The following POU3F3 variants were observed in gnomAD, a reference collection of about 807,000 sequenced individuals.
POU3F3 encodes POU class 3 homeobox 3, also known as POU domain, class 3, transcription factor 3.
A neutral mutation model predicts 8.6 loss-of-function variants in POU3F3; 1 was observed. The ratio of observed to expected loss-of-function variants is 0.12; its 90% CI spans 0.04 to 0.55. The LOEUF is 0.55. POU3F3 is among the 20% of genes least tolerant of loss of function. The pLI is 0.91. For synonymous variants in POU3F3, 418 were observed against 327.4 expected (o/e 1.28, Z -2.99); for missense variants, 577 against 690.7 (o/e 0.84, Z 1.84).
At chr2:104,887,580 C>T in the POU3F3 span, among the ~76,000 whole-genome samples, 1 of 152,142 alleles carries the variant, frequency 6.6e-6, no homozygotes, top group Non-Finnish European at 1.5e-5. Flanking sequence ...CTGATTGTCC[C>T]CAGCCCAGAG....
At chr2:104,861,045 GTATT>G (rs1267007673), downstream of POU3F3, among the ~76,000 whole-genome samples, 23 of 151,914 alleles carry the variant, frequency 1.5e-4, no homozygotes, top group East Asian at 1.9e-4. Context: ...TATTTGTAAA[GTATT>G]TATCCTGTTG....
At chr2:104,874,325 A>T in the POU3F3 span, among the ~76,000 whole-genome samples, 2 of 152,224 alleles carry the variant, frequency 1.3e-5, no homozygotes, top group South Asian at 4.1e-4. Context: ...TCACCCATCC[A>T]GAGGGACTGG....
At chr2:104,914,830 G>A in the POU3F3 span, among the ~76,000 whole-genome samples, 7 of 152,322 alleles carry the variant, frequency 4.6e-5, no homozygotes, top group East Asian at 1.2e-3. Context: ...CAGTAGGTTT[G>A]CCATTAGCAC....
the POU3F3 span, among the ~76,000 whole-genome samples, chr2:104,905,163 C>G: frequency 6.6e-6 from 1 of 152,192 alleles, no homozygotes; most frequent in African/African-American, 2.4e-5. Context: ...CTCAATAACA[C>G]GACCTTTCAT....
chr2:104,899,236 G>C, the POU3F3 span, among the ~76,000 whole-genome samples: 1 of 152,222 alleles, frequency 6.6e-6, no homozygotes, highest in Non-Finnish European at 1.5e-5. Context: ...CTGTGCCTGG[G>C]TTGTGTGTTT....
At chr2:104,865,161 G>A in the POU3F3 span, among the ~76,000 whole-genome samples, 4 of 152,198 alleles carry the variant, frequency 2.6e-5, no homozygotes, top group African/African-American at 9.7e-5. Context: ...TTAGTTACCT[G>A]GCGAAACTGA....
At chr2:104,864,179 C>T in the POU3F3 span, among the ~76,000 whole-genome samples, 4 of 152,222 alleles carry the variant, frequency 2.6e-5, no homozygotes, top group African/African-American at 9.6e-5. Flanking sequence ...GTGCGGGCGC[C>T]GGCAGCAGGG....
chr2:104,892,049 C>A, the POU3F3 span, among the ~76,000 whole-genome samples: 8 of 152,196 alleles, frequency 5.3e-5, no homozygotes, highest in Non-Finnish European at 1.0e-4. Context: ...ACCTGGGCTC[C>A]GATCAAACCC....
downstream of POU3F3, among the ~76,000 whole-genome samples, chr2:104,860,680 T>TC (rs957073316): frequency 2.2e-4 from 34 of 151,802 alleles, no homozygotes; most frequent in African/African-American, 7.5e-4. Context: ...ACAACCATCT[T>TC]CCCCTGGCAA....
Position 104,855,537 on chromosome 2 carries a change from C to T in POU3F3, c.27C>T (p.Tyr9=), listed in dbSNP as rs1676536834. ...TGGCCACGGCGGCTTCTAACCCCTA[C>T]CTGCCGGGGAACAGCCTGCTCGCGG... MATAASNP[Y]LPGNSLLAAG... The change falls in exon 1 of 1, where the codon TAC becomes TAT. Residue 9 remains tyrosine (Y), a synonymous_variant. Coordinates refer to ENST00000361360, the MANE Select transcript of POU3F3 (RefSeq NM_006236.3). 4.8e-6 allele frequency: 5 copies of T among 1,046,274 alleles called. No homozygotes were observed. In the South Asian group the frequency reaches 1.4e-4, roughly 29 times the overall value. 64.8% of individuals were successfully genotyped at this position (1,046,274 alleles called of 1,614,324 possible). A position where few individuals can be genotyped will look rare whatever the true frequency, so the allele number is the denominator to read the frequency against.
Position 104,856,650 on chromosome 2 carries a change from G to A in POU3F3, c.1140G>A (p.Leu380=), listed in dbSNP as rs977576430. 13 of 1,614,074 alleles carry A rather than the reference G, an allele frequency of 8.1e-6. No individual in the cohort carries two copies. Among genetic ancestry groups the A allele is most frequent in the Non-Finnish European group, 1.1e-5 (13 of 1,180,044 alleles). The change falls in exon 1 of 1, where the codon CTG becomes CTA. Residue 380 remains leucine (L), a synonymous_variant. Transcript: ENST00000361360. ...FKNMCKLKPL[L]NKWLEEADSS... is the part of the protein sequence containing the mutation. Reference sequence around the variant, plus strand: ...ACATGTGCAAGCTCAAGCCGCTGCTGAACAAGTGGCTGGAGGAGGCGGACT... The same window carrying A: ...ACATGTGCAAGCTCAAGCCGCTGCTAAACAAGTGGCTGGAGGAGGCGGACT...
rs367605890 is a variant in POU3F3 at position 104,854,247 on chromosome 2, C to G, written c.-1264C>G. Among the ~76,000 whole-genome samples the G allele has an allele frequency of 2.4e-3, 366 of 152,096 alleles. No homozygotes were observed. Among genetic ancestry groups the G allele is most frequent in the Middle Eastern group, 0.014 (4 of 290 alleles). On this transcript the variant is annotated 5_prime_UTR_variant, in exon 1 of 1. Coordinates refer to ENST00000361360, the MANE Select transcript of POU3F3 (RefSeq NM_006236.3). This position sits in a 1 kb window ranked among gnomAD's most constrained non-coding sequence, Gnocchi z 4.5. ...GTGAGAGAGGGAAAGAGAGCGCGAA[C>G]GAGGGCGCAGAGCGAGCTCCTGCTG... is the stretch of plus-strand genomic sequence containing the variant.
the POU3F3 span, among the ~76,000 whole-genome samples, chr2:104,890,708 C>T: frequency 3.3e-5 from 5 of 152,142 alleles, no homozygotes; most frequent in East Asian, 1.9e-4. Context: ...TTAGCAGGCA[C>T]GCAAGGGCAT....
chr2:104,880,006 G>A, the POU3F3 span, among the ~76,000 whole-genome samples: 1 of 152,140 alleles, frequency 6.6e-6, no homozygotes, highest in African/African-American at 2.4e-5. Context: ...TGCATTTTGT[G>A]ACTATAGAGG....
chr2:104,898,543 A>G, the POU3F3 span, among the ~76,000 whole-genome samples: 1 of 152,232 alleles, frequency 6.6e-6, no homozygotes, highest in Non-Finnish European at 1.5e-5. Flanking sequence ...AATATTTGGT[A>G]CTAGAGTTTC....
At chr2:104,890,929 G>A in the POU3F3 span, among the ~76,000 whole-genome samples, 2 of 152,152 alleles carry the variant, frequency 1.3e-5, no homozygotes, top group African/African-American at 4.8e-5. Context: ...AGTTTCAAGG[G>A]AGCAAAAAGG....
chr2:104,920,618 G>A, the POU3F3 span, among the ~76,000 whole-genome samples: 1 of 152,018 alleles, frequency 6.6e-6, no homozygotes, highest in Non-Finnish European at 1.5e-5. Flanking sequence ...CCATAAAAAG[G>A]GGCCATTGCC....
the POU3F3 span, among the ~76,000 whole-genome samples, chr2:104,919,900 C>T: frequency 6.6e-6 from 1 of 152,094 alleles, no homozygotes; most frequent in East Asian, 1.9e-4. Context: ...CACACAGAGG[C>T]GGCTGAAAAG....
At chr2:104,888,992 T>G in the POU3F3 span, among the ~76,000 whole-genome samples, 2 of 152,234 alleles carry the variant, frequency 1.3e-5, no homozygotes, top group Non-Finnish European at 2.9e-5. Context: ...GAAAATAAGC[T>G]AAACCTAGCC....
Sources: gnomAD v4.1 joint callset for allele counts (sites outside exome capture counted in the v4.1 genomes callset) on GRCh38, gnomAD v4.1.1 for gene constraint, Gnocchi (gnomAD v3.1) non-coding constraint, MANE v1.5 for transcripts, NCBI Gene and HGNC (gene_info 2026-07-23, HGNC 2026-07-21) for gene names.